The following POLR3B variants were observed in gnomAD, a reference collection of about 807,000 sequenced individuals.
The protein encoded by POLR3B is DNA-directed RNA polymerase III subunit RPC2.
In POLR3B, 96 loss-of-function variants were observed where a neutral mutation model predicts 147.4. The ratio of observed to expected loss-of-function variants is 0.65; its 90% confidence interval spans 0.55 to 0.77. POLR3B has a LOEUF of 0.77. Among genes scored for constraint, POLR3B ranks in the 30% least tolerant of loss-of-function variants. POLR3B has a pLI of 0.00. For synonymous variants in POLR3B, 461 were observed against 485.9 expected (o/e 0.95, Z 0.67); for missense variants, 1,036 against 1,413.5 (o/e 0.73, Z 4.28).
In POLR3B at chr12:106,383,943, A is replaced by G. The variant is rs537395262; in HGVS notation, c.723+3804A>G. Among the ~76,000 whole-genome samples the G allele has an allele frequency of 1.9e-4, 28 of 150,950 alleles. No homozygotes were observed. In the South Asian group the frequency reaches 5.3e-3, roughly 28 times the overall value. ...CGGTGAGCCGAGATTGCACCACTGC[A>G]CTCCAGCCTAGGCAACAGAGTGAGA... On this transcript the variant is annotated intron_variant, in intron 9 of 27. Coordinates refer to ENST00000228347, the MANE Select transcript of POLR3B (RefSeq NM_018082.6).
intron 23 of POLR3B, among the ~76,000 whole-genome samples, chr12:106,474,579 C>G (rs1174359763): frequency 1.1e-3 from 167 of 146,968 alleles, no homozygotes; most frequent in Middle Eastern, 3.4e-3. Context: ...CAACTTCTTC[C>G]TGGTTTAGTC....
chr12:106,387,012 T>C (rs1177800010), intron 9 of POLR3B, among the ~76,000 whole-genome samples: 2 of 152,242 alleles, frequency 1.3e-5, no homozygotes, highest in Middle Eastern at 6.3e-3. Context: ...AAATCCTTTT[T>C]AGAATAGGGC....
At chr12:106,433,259 C>A (rs2037533499) in intron 15 of POLR3B, among the ~76,000 whole-genome samples, 1 of 152,234 alleles carries the variant, frequency 6.6e-6, no homozygotes, top group African/African-American at 2.4e-5. Flanking sequence ...TTTGAATCCT[C>A]CCGCTAACCT....
intron 10 of POLR3B, among the ~76,000 whole-genome samples, chr12:106,397,998 T>C (rs2037003799): frequency 6.6e-6 from 1 of 152,120 alleles, no homozygotes; most frequent in African/African-American, 2.4e-5. Context: ...AGACAGTGGG[T>C]GCAGCGCACC....
intron 27 of POLR3B, among the ~76,000 whole-genome samples, chr12:106,506,403 C>T (rs2038688590): frequency 2.0e-5 from 3 of 152,174 alleles, no homozygotes; most frequent in Admixed American, 2.0e-4. Flanking sequence ...CTTCCTCCCT[C>T]TCCCCACCCC....
chr12:106,468,295 A>G (rs1353898992), intron 23 of POLR3B, among the ~76,000 whole-genome samples: 2 of 151,978 alleles, frequency 1.3e-5, no homozygotes, highest in Non-Finnish European at 2.9e-5. Context: ...ATCGGTGGTG[A>G]TGTCCCCTTT....
intron 19 of POLR3B, among the ~76,000 whole-genome samples, chr12:106,446,541 T>C (rs1438970233): frequency 6.6e-6 from 1 of 152,128 alleles, no homozygotes; most frequent in Non-Finnish European, 1.5e-5. Flanking sequence ...GTTCAGTGTC[T>C]GTAGAGTTCT....
intron 27 of POLR3B, among the ~76,000 whole-genome samples, chr12:106,506,941 A>G (rs1034792666): frequency 6.6e-6 from 1 of 152,140 alleles, no homozygotes; most frequent in Non-Finnish European, 1.5e-5. Flanking sequence ...TCGCTCTTTA[A>G]TGAGCCACAC....
rs147455750 is a variant in POLR3B, at chr12:106,377,745, G to T, written c.497-522G>T. Among the ~76,000 whole-genome samples the T allele has an allele frequency of 7.6e-4, 115 of 152,280 alleles. 3 individuals carry two copies. In the East Asian group the frequency reaches 0.021, roughly 28 times the overall value. On this transcript the variant is annotated intron_variant, in intron 7 of 27. Transcript: ENST00000228347. The stretch of plus-strand genomic sequence containing the variant: ...AATAAGATACATTTCCTGTCCTCAA[G>T]AAATTTTTTATCTTGTAGCTCATTT...
chr12:106,438,081 C>G (rs561900468), intron 18 of POLR3B, among the ~76,000 whole-genome samples: 115 of 152,144 alleles, frequency 7.6e-4, no homozygotes, highest in Middle Eastern at 3.4e-3. Flanking sequence ...GTGTTGTTCC[C>G]CTCCCTGTGT....
chr12:106,486,464 G>A (rs1222525789), intron 23 of POLR3B, among the ~76,000 whole-genome samples: 1 of 151,820 alleles, frequency 6.6e-6, no homozygotes, highest in Non-Finnish European at 1.5e-5. Flanking sequence ...TTCTCTTCTT[G>A]TATCTTACTC....
intron 23 of POLR3B, among the ~76,000 whole-genome samples, chr12:106,466,804 G>C (rs1056187799): frequency 1.3e-5 from 2 of 152,100 alleles, no homozygotes; most frequent in African/African-American, 2.4e-5. Flanking sequence ...CTGTTCCATT[G>C]GTCTATATAT....
chr12:106,470,897 G>A (rs1210600138), intron 23 of POLR3B, among the ~76,000 whole-genome samples: 4 of 152,134 alleles, frequency 2.6e-5, no homozygotes, highest in African/African-American at 9.7e-5. Flanking sequence ...GTGTCTCCCA[G>A]TCAGGCTACA....
chr12:106,413,473 T>C (rs1345120628), intron 12 of POLR3B, among the ~76,000 whole-genome samples: 1 of 152,162 alleles, frequency 6.6e-6, no homozygotes, highest in Non-Finnish European at 1.5e-5. Flanking sequence ...TCATGCCATG[T>C]ACCTTATAGG....
chr12:106,463,770 C>T (rs2037970155), intron 23 of POLR3B, 150 bp downstream of exon 23: 1 of 707,078 alleles, frequency 1.4e-6, no homozygotes, highest in Non-Finnish European at 2.4e-6. Context: ...CTTAGATTAA[C>T]CTGTTTATAT....
chr12:106,403,710 A>T (rs1369700651), intron 10 of POLR3B, among the ~76,000 whole-genome samples: 1 of 151,232 alleles, frequency 6.6e-6, no homozygotes, highest in East Asian at 2.0e-4. Flanking sequence ...TATCGCAAGG[A>T]CAAAAAACCA....
chr12:106,468,573 G>A (rs2038041519), intron 23 of POLR3B, among the ~76,000 whole-genome samples: 1 of 151,960 alleles, frequency 6.6e-6, no homozygotes, highest in Non-Finnish European at 1.5e-5. Flanking sequence ...TTCTCTTGTG[G>A]GCATTTAGTG....
At chr12:106,399,128 G>C (rs549631034) in intron 10 of POLR3B, among the ~76,000 whole-genome samples, 6 of 152,166 alleles carry the variant, frequency 3.9e-5, no homozygotes, top group Non-Finnish European at 7.3e-5. Flanking sequence ...ATGCAGAGAA[G>C]TCCTTAAAGG....
chr12:106,465,428 G>C (rs780400505), intron 23 of POLR3B, among the ~76,000 whole-genome samples: 11 of 152,088 alleles, frequency 7.2e-5, no homozygotes, highest in Non-Finnish European at 1.3e-4. Context: ...CAGACTTGCA[G>C]ATATTTCAGT....
Sources: allele counts gnomAD v4.1 joint callset (sites outside exome capture counted in the v4.1 genomes callset), GRCh38; gene constraint gnomAD v4.1.1; transcripts MANE v1.5; gene names NCBI Gene and HGNC (gene_info 2026-07-23, HGNC 2026-07-21).